The following PLEKHM1 variants were observed in gnomAD, a reference collection of about 807,000 sequenced individuals.
PLEKHM1 encodes pleckstrin homology and RUN domain containing M1, also known as pleckstrin homology domain-containing family M member 1.
In PLEKHM1, 28 loss-of-function variants were observed where a neutral mutation model predicts 94.3. That is an observed-to-expected ratio of 0.30 (90% CI 0.22 to 0.41). The LOEUF (loss-of-function observed/expected upper bound fraction) is 0.41. Among genes scored for constraint, PLEKHM1 ranks in the 10% least tolerant of loss-of-function variants. PLEKHM1 has a pLI of 1.00. For synonymous variants in PLEKHM1, 424 were observed against 581.2 expected (o/e 0.73, Z 3.89); for missense variants, 907 against 1,358.6 (o/e 0.67, Z 5.22).
intron 6 of PLEKHM1, 107 bp downstream of exon 6, chr17:45,458,062 G>T: frequency 1.2e-6 from 1 of 804,570 alleles, no homozygotes. Flanking sequence ...TAACACTTGT[G>T]GGAACACACT....
At chr17:45,471,793 C>A (rs1020968434) in intron 4 of PLEKHM1, among the ~76,000 whole-genome samples, 1 of 152,106 alleles carries the variant, frequency 6.6e-6, no homozygotes, top group African/African-American at 2.4e-5. Flanking sequence ...TAAAATACAA[C>A]AATACCATCA....
chr17:45,442,485 A>G (rs2050479256), intron 9 of PLEKHM1, among the ~76,000 whole-genome samples: 1 of 152,102 alleles, frequency 6.6e-6, no homozygotes, highest in Non-Finnish European at 1.5e-5. Flanking sequence ...GGCTCACTCC[A>G]ACCTCTGCCT....
chr17:45,453,850 G>T lies in PLEKHM1; in HGVS notation c.2002C>A (p.Gln668Lys). 6.2e-7 allele frequency: 1 copy of T among 1,614,000 alleles called. No individual in the cohort carries two copies. Among genetic ancestry groups the T allele is most frequent in the Admixed American group, 1.7e-5 (1 of 60,024 alleles). ...SDLLSEPAAL[Q>K]GTQFDWSSAQ... ...GACGACCAGTCAAACTGTGTGCCCTGGAGGGCCGCGGGCTCCGAGAGCAGG... is the reference window on the plus strand; with the variant it reads ...GACGACCAGTCAAACTGTGTGCCCTTGAGGGCCGCGGGCTCCGAGAGCAGG... The change falls in exon 7 of 12, where the codon CAG becomes AAG. Residue 668 changes from glutamine (Q) to lysine (K), a missense_variant. Physicochemically the swap from Gln to Lys is moderately conservative, Grantham distance 53 (BLOSUM62 1). Around this residue, in one of 3 missense-constraint regions of PLEKHM1, gnomAD observed 477 missense variants for 601.5 expected, o/e 0.79. Coordinates refer to ENST00000430334, the MANE Select transcript of PLEKHM1 (RefSeq NM_014798.3). The surrounding 1 kb of genome is among the most constrained non-coding windows in gnomAD (Gnocchi z 4.1).
Position 45,476,577 on chromosome 17 carries a change from G to A in PLEKHM1, c.297-851C>T, listed in dbSNP as rs2051747425. Among the ~76,000 whole-genome samples the A allele has an allele frequency of 3.3e-5, 5 of 152,132 alleles. 1 individual carries two copies. The South Asian group carries it at 8.3e-4, about 25-fold the overall frequency. Reference sequence around the variant, plus strand: ...ACCCAGCTGTGCACCAGAACCCCCTGGGGAACTTGAGCAGGATACAAGTTC... The same window carrying A: ...ACCCAGCTGTGCACCAGAACCCCCTAGGGAACTTGAGCAGGATACAAGTTC... On this transcript the variant is annotated intron_variant, in intron 3 of 11. Coordinates refer to ENST00000430334, the MANE Select transcript of PLEKHM1 (RefSeq NM_014798.3).
chr17:45,477,796 A>G, intron 3 of PLEKHM1, 104 bp downstream of exon 3: 3 of 1,359,904 alleles, frequency 2.2e-6, no homozygotes. Flanking sequence ...ATGCTAGAAC[A>G]CAGGGCACCT....
At chr17:45,456,047 T>G (rs551002063) in intron 6 of PLEKHM1, among the ~76,000 whole-genome samples, 1 of 152,288 alleles carries the variant, frequency 6.6e-6, no homozygotes, top group East Asian at 1.9e-4. Flanking sequence ...TTTGTTCTCC[T>G]TGCTTGAAAC....
Position 45,475,327 on chromosome 17 carries a change from G to A in PLEKHM1, c.696C>T (p.Ile232=), listed in dbSNP as rs773571180. ...TCTTATGGCCCGAGTGATGGACTTCGATGTCTTCAGAGCCTGAAGAATGGG... is the reference window on the plus strand; with the variant it reads ...TCTTATGGCCCGAGTGATGGACTTCAATGTCTTCAGAGCCTGAAGAATGGG... ...SISHSSGSED[I]EVHHSGHKIR... Residue 232 remains isoleucine, a synonymous_variant, in exon 4 of 12, where the codon ATC becomes ATT. Coordinates refer to ENST00000430334, the MANE Select transcript of PLEKHM1 (RefSeq NM_014798.3). 13 of 1,613,810 alleles carry A rather than the reference G, an allele frequency of 8.1e-6. No homozygotes were observed. The highest frequency in any genetic ancestry group is 4.5e-5 in the East Asian group (2 of 44,892).
Position 45,437,602 on chromosome 17 carries a change from C to T in PLEKHM1, c.*256G>A. 4 of 660,902 alleles carry T rather than the reference C, an allele frequency of 6.1e-6. No homozygotes were observed. Among genetic ancestry groups the T allele is most frequent in the Admixed American group, 2.1e-5 (1 of 48,674 alleles). 40.9% of individuals were successfully genotyped at this position (660,902 alleles called of 1,614,324 possible). A position where few individuals can be genotyped will look rare whatever the true frequency, so the allele number is the denominator to read the frequency against. Reference sequence around the variant, plus strand: ...AGCCAGGGCCTGGTGAGTAAACGGCCCTGCCTGCCCCAGACAGGGAGCATC... The same window carrying T: ...AGCCAGGGCCTGGTGAGTAAACGGCTCTGCCTGCCCCAGACAGGGAGCATC... On this transcript the variant is annotated 3_prime_UTR_variant, in exon 12 of 12. Coordinates refer to ENST00000430334, the MANE Select transcript of PLEKHM1 (RefSeq NM_014798.3). This position sits in a 1 kb window ranked among gnomAD's most constrained non-coding sequence, Gnocchi z 4.0.
At chr17:45,488,488 G>A (rs1249311021) in intron 1 of PLEKHM1, among the ~76,000 whole-genome samples, 1 of 152,218 alleles carries the variant, frequency 6.6e-6, no homozygotes, top group Non-Finnish European at 1.5e-5. Flanking sequence ...TGGGGCAACT[G>A]TGGAGCTCCT....
chr17:45,485,988 C>T (rs368663347), intron 1 of PLEKHM1, among the ~76,000 whole-genome samples: 7 of 142,950 alleles, frequency 4.9e-5, no homozygotes, highest in Middle Eastern at 8.9e-3. Flanking sequence ...AGGCCGAGGC[C>T]GGCGGATCAC....
chr17:45,467,847 G>A (rs1218388509), intron 5 of PLEKHM1, among the ~76,000 whole-genome samples: 1 of 152,202 alleles, frequency 6.6e-6, no homozygotes, highest in African/African-American at 2.4e-5. Flanking sequence ...GAGAGCTGAA[G>A]TGACTTGCCC....
intron 4 of PLEKHM1, 64 bp downstream of exon 4, chr17:45,475,036 G>A: frequency 6.4e-7 from 1 of 1,553,768 alleles, no homozygotes; most frequent in Non-Finnish European, 8.9e-7. Context: ...GGAAGAAAGG[G>A]AGGAGGAGAG....
intron 1 of PLEKHM1, chr17:45,487,857 G>C: frequency 2.2e-6 from 1 of 455,542 alleles, no homozygotes; most frequent in Non-Finnish European, 4.4e-6. Flanking sequence ...CCTGAATTGT[G>C]TAACTGGCTG....
Position 45,453,546 on chromosome 17 carries a change from C to T in PLEKHM1, c.2306G>A (p.Arg769Lys). The T allele has an allele frequency of 1.2e-6, 2 of 1,605,424 alleles. No individual in the cohort carries two copies. The highest frequency in any genetic ancestry group is 8.5e-7 in the Non-Finnish European group (1 of 1,175,100). ...TGCCAGGACTTTGCGGACCAGATCC[C>T]TCCACAGGGCGGCTTCCTCGGCGTT... Reference protein sequence around the residue: ...AGNAEEAALWRDLVRKVLASY... With the variant: ...AGNAEEAALWKDLVRKVLASY... The change falls in exon 7 of 12, where the codon AGG (arginine) becomes AAG (lysine). Residue 769 changes from arginine (R) to lysine (K), a missense_variant. Coordinates refer to ENST00000430334, the MANE Select transcript of PLEKHM1 (RefSeq NM_014798.3). The surrounding 1 kb of genome is among the most constrained non-coding windows in gnomAD (Gnocchi z 4.1).
chr17:45,452,573 C>CT (rs927499622), intron 7 of PLEKHM1, among the ~76,000 whole-genome samples: 1 of 151,692 alleles, frequency 6.6e-6, no homozygotes, highest in African/African-American at 2.4e-5. Context: ...TAGCGCCTAT[C>CT]TCTACAGGGT....
At chr17:45,468,650 G>A (rs1019636675) in intron 4 of PLEKHM1, 57 bp from the exon 5 acceptor site, 11 of 1,550,156 alleles carry the variant, frequency 7.1e-6, no homozygotes, top group African/African-American at 4.1e-5. Flanking sequence ...AATGCCCAAG[G>A]CAACTGGGGC....
chr17:45,441,809 G>A (rs2050456040), intron 9 of PLEKHM1, among the ~76,000 whole-genome samples: 1 of 152,194 alleles, frequency 6.6e-6, no homozygotes, highest in African/African-American at 2.4e-5. Flanking sequence ...CACACAATGA[G>A]GAGAACCCTC....
intron 4 of PLEKHM1, among the ~76,000 whole-genome samples, chr17:45,470,457 T>C (rs2051464701): frequency 6.6e-6 from 1 of 152,294 alleles, no homozygotes; most frequent in East Asian, 1.9e-4. Flanking sequence ...AGTGAAACCC[T>C]GTTTCTAATA....
intron 1 of PLEKHM1, among the ~76,000 whole-genome samples, chr17:45,483,579 T>A (rs1314241505): frequency 6.6e-6 from 1 of 152,192 alleles, no homozygotes; most frequent in African/African-American, 2.4e-5. Context: ...AACTCCTGGC[T>A]GAGCATCAGG....
Sources: gnomAD v4.1 joint callset for allele counts (sites outside exome capture counted in the v4.1 genomes callset) on GRCh38, gnomAD v4.1.1 for gene constraint, gnomAD v4.1.1 regional missense constraint, Gnocchi (gnomAD v3.1) non-coding constraint, MANE v1.5 for transcripts, NCBI Gene and HGNC (gene_info 2026-07-23, HGNC 2026-07-21) for gene names.